TTC39B: variants seen among roughly 807,000 people sequenced by gnomAD.
TTC39B encodes tetratricopeptide repeat domain 39B.
A neutral mutation model predicts 96.6 loss-of-function variants in TTC39B; 92 were observed. That is an observed-to-expected ratio of 0.95 (90% CI 0.80 to 1.13). TTC39B has a LOEUF of 1.13. Among genes scored for constraint, TTC39B ranks in the 50% most tolerant of loss-of-function variants. The probability of loss-of-function intolerance (pLI) is 0.00; values close to 1 mark genes in which losing one functional copy is unlikely to be tolerated. For synonymous variants in TTC39B, 367 were observed against 299.4 expected (o/e 1.23, Z -2.33); for missense variants, 955 against 809.3 (o/e 1.18, Z -2.18).
chr9:15,189,533 T>C (rs765527431), intron 13 of TTC39B, 41 bp downstream of exon 13: 19 of 1,605,898 alleles, frequency 1.2e-5, no homozygotes, highest in Non-Finnish European at 1.6e-5. Flanking sequence ...GGAGTCGCCA[T>C]ACAGACAACT....
chr9:15,250,362 A>C (rs1232515568), intron 2 of TTC39B, among the ~76,000 whole-genome samples: 5 of 151,896 alleles, frequency 3.3e-5, no homozygotes, highest in African/African-American at 1.2e-4. Context: ...TATTTTCATG[A>C]TTTTTCACCT....
intron 1 of TTC39B, among the ~76,000 whole-genome samples, chr9:15,282,169 T>A (rs937563910): frequency 5.9e-5 from 9 of 152,292 alleles, no homozygotes; most frequent in South Asian, 2.1e-4. Flanking sequence ...CATAGACACT[T>A]ACTCAAAACT....
intron 1 of TTC39B, among the ~76,000 whole-genome samples, chr9:15,291,710 C>A (rs1332257401): frequency 2.0e-5 from 3 of 152,076 alleles, no homozygotes; most frequent in Admixed American, 6.5e-5. Flanking sequence ...ACAAAAGGGA[C>A]CGTCACTGGA....
At chr9:15,214,176 T>A (rs746861915) in exon 4 of TTC39B, 1 of 1,614,108 alleles carries the variant, frequency 6.2e-7, no homozygotes, top group Non-Finnish European at 8.5e-7. Flanking sequence ...GTAAATTTGT[T>A]GCTTAGAAAT....
intron 13 of TTC39B, 47 bp from the exon 14 acceptor site, chr9:15,188,179 A>G (rs1818645356): frequency 1.3e-6 from 2 of 1,522,702 alleles, no homozygotes; most frequent in Non-Finnish European, 1.8e-6. Context: ...TTAGACAAGG[A>G]GATAATAACC....
intron 4 of TTC39B, among the ~76,000 whole-genome samples, chr9:15,213,447 C>T (rs1820323736): frequency 6.6e-6 from 1 of 152,232 alleles, no homozygotes; most frequent in South Asian, 2.1e-4. Flanking sequence ...GCAGGTCAAT[C>T]AATCTCTAAG....
At chr9:15,169,021 G>A (rs1817580380) in exon 20 of TTC39B, 1 of 152,110 alleles carries the variant, frequency 6.6e-6, no homozygotes, top group African/African-American at 2.4e-5. Flanking sequence ...TGACCTCAAA[G>A]TTCAACTAGT....
chr9:15,241,982 T>G (rs1326742321), intron 2 of TTC39B, among the ~76,000 whole-genome samples: 1 of 152,170 alleles, frequency 6.6e-6, no homozygotes, highest in South Asian at 2.1e-4. Context: ...CTGACCTCAG[T>G]TGATCCACCT....
intron 2 of TTC39B, among the ~76,000 whole-genome samples, chr9:15,242,326 A>G (rs915546019): frequency 6.6e-6 from 1 of 152,192 alleles, no homozygotes; most frequent in African/African-American, 2.4e-5. Flanking sequence ...TCATGCCTGT[A>G]ATCCCAGCAT....
intron 2 of TTC39B, among the ~76,000 whole-genome samples, chr9:15,244,397 G>A (rs1383711180): frequency 1.3e-5 from 2 of 152,194 alleles, no homozygotes; most frequent in Non-Finnish European, 2.9e-5. Context: ...GTGGCTTTGC[G>A]CCACTTCCTC....
exon 20 of TTC39B, chr9:15,166,299 T>A (rs1056100728): frequency 2.0e-5 from 3 of 152,214 alleles, no homozygotes; most frequent in African/African-American, 7.2e-5. Context: ...CCATGTGATG[T>A]CCTGTTACAG....
intron 19 of TTC39B, among the ~76,000 whole-genome samples, chr9:15,173,599 A>C (rs1817773614): frequency 6.6e-6 from 1 of 152,066 alleles, no homozygotes; most frequent in Admixed American, 6.6e-5. Flanking sequence ...TAACTCTCTT[A>C]ATCTTCTTAA....
intron 2 of TTC39B, among the ~76,000 whole-genome samples, chr9:15,233,644 T>G (rs1478286060): frequency 6.6e-6 from 1 of 152,190 alleles, no homozygotes; most frequent in East Asian, 1.9e-4. Flanking sequence ...AGACGGAGTC[T>G]CGTTCGCTCA....
At chr9:15,182,345 A>G (rs753108692) in exon 17 of TTC39B, 1 of 1,612,504 alleles carries the variant, frequency 6.2e-7, no homozygotes. Flanking sequence ...TTCAACAGTT[A>G]CTAACAGATT....
intron 1 of TTC39B, among the ~76,000 whole-genome samples, chr9:15,277,137 A>C (rs1181113421): frequency 6.6e-6 from 1 of 152,196 alleles, no homozygotes; most frequent in Admixed American, 6.5e-5. Context: ...CATAAAAAAC[A>C]TAATTTATGG....
At chr9:15,305,504 AAAAT>A (rs1824727068) in intron 1 of TTC39B, among the ~76,000 whole-genome samples, 1 of 152,184 alleles carries the variant, frequency 6.6e-6, no homozygotes, top group Non-Finnish European at 1.5e-5. Flanking sequence ...TGAATGAAGA[AAAAT>A]AAATGAATGA....
chr9:15,226,328 T>A (rs972878423), intron 2 of TTC39B, among the ~76,000 whole-genome samples: 1 of 152,214 alleles, frequency 6.6e-6, no homozygotes, highest in Non-Finnish European at 1.5e-5. Flanking sequence ...AGTAAATCTA[T>A]ACATATTTTA....
At chr9:15,239,654 T>A (rs1412565959) in intron 2 of TTC39B, among the ~76,000 whole-genome samples, 4 of 152,088 alleles carry the variant, frequency 2.6e-5, no homozygotes, top group Non-Finnish European at 5.9e-5. Flanking sequence ...ATGAAATAAG[T>A]CAGAAGCAGA....
chr9:15,170,690 CTA>C (rs1190809063), exon 20 of TTC39B: 1 of 152,044 alleles, frequency 6.6e-6, no homozygotes, highest in Admixed American at 6.6e-5. Flanking sequence ...GCAGAGGCTT[CTA>C]TGACAAGTTA....
Sources: gnomAD v4.1 joint callset for allele counts (sites outside exome capture counted in the v4.1 genomes callset) on GRCh38, gnomAD v4.1.1 for gene constraint, MANE v1.5 for transcripts, NCBI Gene and HGNC (gene_info 2026-07-23, HGNC 2026-07-21) for gene names.